The following IMMP1L variants were observed in gnomAD, a reference collection of about 807,000 sequenced individuals.
IMMP1L encodes the protein mitochondrial inner membrane protease subunit 1.
A neutral mutation model predicts 21.8 loss-of-function variants in IMMP1L; 24 were observed. The ratio of observed to expected loss-of-function variants is 1.10; its 90% CI spans 0.80 to 1.55. The LOEUF is 1.55. Among genes scored for constraint, IMMP1L ranks in the 40% most tolerant of loss-of-function variants. The probability of loss-of-function intolerance (pLI) is 0.00; values close to 1 mark genes in which losing one functional copy is unlikely to be tolerated. For missense variants in IMMP1L, 195 were observed against 200.7 expected (o/e 0.97, Z 0.17); for synonymous variants, 46 against 62.8 (o/e 0.73, Z 1.26).
intron 1 of IMMP1L, among the ~76,000 whole-genome samples, chr11:31,487,121 T>C (rs1345719729): frequency 6.6e-6 from 1 of 151,830 alleles, no homozygotes; most frequent in African/African-American, 2.4e-5. Context: ...AAAATAATAC[T>C]AATATATTTT....
At chr11:31,465,629 G>A (rs1165359748) in intron 1 of IMMP1L, among the ~76,000 whole-genome samples, 1 of 152,014 alleles carries the variant, frequency 6.6e-6, no homozygotes, top group Non-Finnish European at 1.5e-5. Flanking sequence ...AGAGAACCCA[G>A]AAATAAATCC....
intron 1 of IMMP1L, among the ~76,000 whole-genome samples, chr11:31,469,439 C>G (rs372384725): frequency 6.6e-6 from 1 of 151,788 alleles, no homozygotes; most frequent in Non-Finnish European, 1.5e-5. Context: ...CAACACAATA[C>G]TACAAAATAA....
intron 4 of IMMP1L, among the ~76,000 whole-genome samples, chr11:31,453,912 T>G (rs1272423140): frequency 6.6e-6 from 1 of 152,142 alleles, no homozygotes; most frequent in Non-Finnish European, 1.5e-5. Flanking sequence ...AGTGGCATCG[T>G]GAGGGTTACA....
rs767958655 is a variant in IMMP1L, at chr11:31,460,736, A to C, written c.106-22T>G. 24 of 1,406,752 alleles carry C rather than the reference A, an allele frequency of 1.7e-5. No individual in the cohort carries two copies. The South Asian group carries it at 2.3e-4, about 13-fold the overall frequency. The allele number at this position is 1,406,752 out of a possible 1,614,324, so 87.1% of individuals were successfully genotyped here. ...AACACTGAAAAGAGAGGTAATTTGT[A>C]ATCTAAATTCAAAATCTCTTTTAAA... is the stretch of plus-strand genomic sequence containing the variant. On this transcript the variant is annotated intron_variant, in intron 2 of 5. Coordinates refer to ENST00000532287, the MANE Select transcript of IMMP1L (RefSeq NM_001304274.2).
At chr11:31,497,723 TAC>T (rs1479803519) in intron 1 of IMMP1L, among the ~76,000 whole-genome samples, 3 of 152,202 alleles carry the variant, frequency 2.0e-5, no homozygotes, top group African/African-American at 7.2e-5. Context: ...GTGTTGGGAT[TAC>T]AGGCGTGAGC....
chr11:31,456,369 G>C lies in IMMP1L; in HGVS notation c.212C>G (p.Ala71Gly), dbSNP rs769145564. ...YGIQRGDIVI[A>G]KSPSDPKSNI... is the part of the protein sequence containing the mutation. The stretch of plus-strand genomic sequence containing the variant: ...TGATTTTGGATCACTTGGGCTTTTT[G>C]CAATCACAATGTCACCTCTGAGGGG... Residue 71 changes from alanine (A) to glycine (G), a missense_variant, in exon 4 of 6, where the codon GCA (alanine) becomes GGA (glycine). By Grantham distance (60) the Ala-to-Gly change is moderately conservative. Coordinates refer to ENST00000532287, the MANE Select transcript of IMMP1L (RefSeq NM_001304274.2). 6.2e-7 allele frequency: 1 copy of C among 1,610,964 alleles called. No homozygotes were observed. The highest frequency in any genetic ancestry group is 8.5e-7 in the Non-Finnish European group (1 of 1,177,990).
chr11:31,433,958 C>A (rs1230652201), intron 4 of IMMP1L, among the ~76,000 whole-genome samples: 1 of 152,088 alleles, frequency 6.6e-6, no homozygotes, highest in African/African-American at 2.4e-5. Flanking sequence ...GCAGGGCAGC[C>A]ACTCACTCAG....
Position 31,496,606 on chromosome 11 carries a change from CTG to C in IMMP1L, c.-30+12911_-30+12912del, listed in dbSNP as rs1592040753. On this transcript the variant is annotated intron_variant, in intron 1 of 5. Coordinates refer to ENST00000532287, the MANE Select transcript of IMMP1L (RefSeq NM_001304274.2). Reference sequence around the variant, plus strand: ...ATCAACAGATGAATGGATAAACAAACTGTGATATATGTGTGTGTGTGTGTGTG... The same window carrying C: ...ATCAACAGATGAATGGATAAACAAACTGATATATGTGTGTGTGTGTGTGTG... Among the ~76,000 whole-genome samples the C allele has an allele frequency of 1.3e-5, 2 of 150,582 alleles. 1 individual carries two copies. The highest frequency in any genetic ancestry group is 1.3e-4 in the Admixed American group (2 of 15,172).
chr11:31,460,810 A>C, intron 2 of IMMP1L, 96 bp from the exon 3 acceptor site: 1 of 891,886 alleles, frequency 1.1e-6, no homozygotes, highest in Non-Finnish European at 1.8e-6. Flanking sequence ...AATCAAGCAA[A>C]TGTTCCTAAA....
intron 1 of IMMP1L, chr11:31,477,489 T>A (rs1954764528): frequency 1.1e-6 from 1 of 947,530 alleles, no homozygotes; most frequent in African/African-American, 1.8e-5. Flanking sequence ...GCATATTCTT[T>A]GCCTTGATGA....
intron 4 of IMMP1L, among the ~76,000 whole-genome samples, chr11:31,435,496 G>A (rs931046092): frequency 2.0e-5 from 3 of 152,072 alleles, no homozygotes; most frequent in African/African-American, 4.8e-5. Context: ...AAATAACTGC[G>A]GTTTTTGCCG....
At chr11:31,443,911 G>A (rs1292348020) in intron 4 of IMMP1L, among the ~76,000 whole-genome samples, 3 of 152,214 alleles carry the variant, frequency 2.0e-5, no homozygotes, top group South Asian at 2.1e-4. Flanking sequence ...TCTCTCTTTC[G>A]TTATTGAGCT....
chr11:31,490,090 A>C (rs2133786671), intron 1 of IMMP1L, among the ~76,000 whole-genome samples: 1 of 152,346 alleles, frequency 6.6e-6, no homozygotes, highest in East Asian at 1.9e-4. Flanking sequence ...GGATCTTACT[A>C]CATTGATGTG....
intron 1 of IMMP1L, among the ~76,000 whole-genome samples, chr11:31,495,476 A>T (rs1955401184): frequency 6.6e-6 from 1 of 152,152 alleles, no homozygotes; most frequent in African/African-American, 2.4e-5. Context: ...ACTGCCTGAG[A>T]CTGGATAATT....
At chr11:31,502,594 G>A (rs918859423) in intron 1 of IMMP1L, among the ~76,000 whole-genome samples, 1 of 152,132 alleles carries the variant, frequency 6.6e-6, no homozygotes, top group Non-Finnish European at 1.5e-5. Flanking sequence ...CTACTCCCAG[G>A]CTTCCATAAT....
intron 1 of IMMP1L, among the ~76,000 whole-genome samples, chr11:31,468,626 G>C (rs1954443672): frequency 6.6e-6 from 1 of 152,056 alleles, no homozygotes; most frequent in Non-Finnish European, 1.5e-5. Context: ...CAGATACTGT[G>C]TTCAGCCCTG....
intron 4 of IMMP1L, among the ~76,000 whole-genome samples, chr11:31,451,503 AAAGAG>A (rs1953755825): frequency 6.6e-6 from 1 of 152,146 alleles, no homozygotes; most frequent in Non-Finnish European, 1.5e-5. Flanking sequence ...ATGTAGGGTG[AAAGAG>A]GAGAGTAAGG....
At chr11:31,495,720 T>A (rs1483384512) in intron 1 of IMMP1L, among the ~76,000 whole-genome samples, 2 of 152,144 alleles carry the variant, frequency 1.3e-5, no homozygotes, top group African/African-American at 4.8e-5. Flanking sequence ...AGCATTGACA[T>A]AAATGGTCAA....
intron 3 of IMMP1L, among the ~76,000 whole-genome samples, chr11:31,459,412 A>T (rs1954062699): frequency 6.6e-6 from 1 of 152,258 alleles, no homozygotes. Context: ...AAATGAAAGC[A>T]GGCATAGATT....
Sources: allele counts gnomAD v4.1 joint callset (sites outside exome capture counted in the v4.1 genomes callset), GRCh38; gene constraint gnomAD v4.1.1; transcripts MANE v1.5; gene names NCBI Gene and HGNC (gene_info 2026-07-23, HGNC 2026-07-21).